Variants in PRKG2 observed in about 807,000 individuals in gnomAD.
PRKG2 encodes protein kinase cGMP-dependent 2.
Under a neutral mutation model 97.2 loss-of-function variants are expected in PRKG2, and 33 were observed. The ratio of observed to expected loss-of-function variants is 0.34; its 90% CI spans 0.26 to 0.45. The LOEUF is 0.45. Ranked by LOEUF, PRKG2 falls within the 20% of genes least tolerant of loss-of-function variation. The pLI is 1.00. For synonymous variants in PRKG2, 330 were observed against 321.8 expected (o/e 1.03, Z -0.27); for missense variants, 638 against 900.0 (o/e 0.71, Z 3.73).
At chr4:81,130,124 T>A (rs936466586) in intron 14 of PRKG2, among the ~76,000 whole-genome samples, 1 of 152,176 alleles carries the variant, frequency 6.6e-6, no homozygotes, top group African/African-American at 2.4e-5. Context: ...TTTTCCTCAC[T>A]TACATGGATT....
At chr4:81,158,799 C>A (rs1000101580) in intron 6 of PRKG2, among the ~76,000 whole-genome samples, 1 of 152,112 alleles carries the variant, frequency 6.6e-6, no homozygotes, top group East Asian at 1.9e-4. Context: ...CGTCACATAT[C>A]TACAACCATC....
intron 1 of PRKG2, among the ~76,000 whole-genome samples, chr4:81,205,953 T>C (rs181041682): frequency 1.6e-4 from 25 of 152,354 alleles, no homozygotes; most frequent in Admixed American, 1.3e-3. Context: ...TTTAGTCTAA[T>C]AGCTATGTAT....
At chr4:81,128,320 T>C (rs535201578) in intron 14 of PRKG2, among the ~76,000 whole-genome samples, 4 of 152,232 alleles carry the variant, frequency 2.6e-5, no homozygotes, top group African/African-American at 9.6e-5. Context: ...TGCTAGACTT[T>C]GGTATCAGGA....
chr4:81,181,992 A>G (rs1407937936), intron 2 of PRKG2, among the ~76,000 whole-genome samples: 1 of 151,878 alleles, frequency 6.6e-6, no homozygotes, highest in Non-Finnish European at 1.5e-5. Context: ...TATCCCACCC[A>G]AAAAAGTCTA....
chr4:81,136,850 T>C (rs1746755553), intron 13 of PRKG2, among the ~76,000 whole-genome samples: 1 of 152,224 alleles, frequency 6.6e-6, no homozygotes, highest in South Asian at 2.1e-4. Context: ...AAGTTTCTAC[T>C]TTTTACTCTT....
At chr4:81,103,058 A>G (rs570480564) in intron 17 of PRKG2, among the ~76,000 whole-genome samples, 73 of 152,354 alleles carry the variant, frequency 4.8e-4, no homozygotes, top group Non-Finnish European at 7.9e-4. Context: ...CAAAATGAAA[A>G]CATCTTAAAG....
intron 6 of PRKG2, 74 bp from the exon 7 acceptor site, chr4:81,153,795 T>C: frequency 4.8e-6 from 5 of 1,044,930 alleles, no homozygotes; most frequent in Admixed American, 1.9e-5. Context: ...AGCTCCAGTA[T>C]ACAGCTCCCA....
At chr4:81,174,043 A>G (rs1750713580) in intron 3 of PRKG2, 1 of 152,084 alleles carries the variant, frequency 6.6e-6, no homozygotes, top group Admixed American at 6.6e-5. Flanking sequence ...TATATACAAA[A>G]GAGAAAAAAA....
At chr4:81,169,350 T>C (rs1750259582) in intron 5 of PRKG2, among the ~76,000 whole-genome samples, 2 of 152,122 alleles carry the variant, frequency 1.3e-5, no homozygotes, top group African/African-American at 4.8e-5. Context: ...TTCAAATGCC[T>C]TTCAAAGCCA....
chr4:81,105,957 C>A, intron 15 of PRKG2, 22 bp from the exon 16 acceptor site: 1 of 1,608,540 alleles, frequency 6.2e-7, no homozygotes, highest in Non-Finnish European at 8.5e-7. Flanking sequence ...AAATCCAGAA[C>A]AGGACACATT....
At chr4:81,182,088 A>G (rs1164141545) in intron 2 of PRKG2, among the ~76,000 whole-genome samples, 1 of 151,902 alleles carries the variant, frequency 6.6e-6, no homozygotes, top group Non-Finnish European at 1.5e-5. Flanking sequence ...AGAAAACAGG[A>G]AAGACGAATT....
chr4:81,148,145 T>A (rs1052726601), intron 9 of PRKG2, among the ~76,000 whole-genome samples: 1 of 152,188 alleles, frequency 6.6e-6, no homozygotes, highest in Non-Finnish European at 1.5e-5. Flanking sequence ...TACTACCTTG[T>A]GATATCTGTT....
chr4:81,193,908 G>A (rs138685910), intron 2 of PRKG2, among the ~76,000 whole-genome samples: 5 of 152,164 alleles, frequency 3.3e-5, no homozygotes, highest in African/African-American at 1.2e-4. Context: ...ATTGAAGGAG[G>A]CCACTTCAAA....
chr4:81,137,594 A>T lies in PRKG2; in HGVS notation c.1545-112T>A. 4 of 795,248 alleles carry T rather than the reference A, an allele frequency of 5.0e-6. No homozygotes were observed. In the South Asian group the frequency reaches 6.5e-5, roughly 13 times the overall value. The allele number at this position is 795,248 out of a possible 1,614,324, so 49.3% of individuals were successfully genotyped here. A position where few individuals can be genotyped will look rare whatever the true frequency, so the allele number is the denominator to read the frequency against. On this transcript the variant is annotated intron_variant, in intron 12 of 18. Transcript: ENST00000264399. ...TAGGAACAATGATACTCATCTCCAT[A>T]TAAATACCCCACAACTACACTGGGC...
chr4:81,212,607 G>A (rs1754040111), intron 1 of PRKG2, among the ~76,000 whole-genome samples: 1 of 152,114 alleles, frequency 6.6e-6, no homozygotes, highest in African/African-American at 2.4e-5. Context: ...AAGCACCAGT[G>A]GAAACTTTAA....
At chr4:81,216,302 C>T (rs780157213), upstream of PRKG2, among the ~76,000 whole-genome samples, 3 of 151,378 alleles carry the variant, frequency 2.0e-5, no homozygotes, top group Non-Finnish European at 2.9e-5. Flanking sequence ...GGAGGAAAAT[C>T]GCGAAAGTAC....
At chr4:81,155,958 C>G (rs1749048975) in intron 6 of PRKG2, among the ~76,000 whole-genome samples, 1 of 151,976 alleles carries the variant, frequency 6.6e-6, no homozygotes, top group Admixed American at 6.5e-5. Flanking sequence ...ACAACCGGTA[C>G]CAGCCACTGC....
intron 4 of PRKG2, 120 bp downstream of exon 4, chr4:81,171,571 A>G: frequency 1.5e-6 from 1 of 651,804 alleles, no homozygotes; most frequent in East Asian, 2.9e-5. Context: ...CATTTCTATT[A>G]TAAGAACATA....
chr4:81,112,466 C>T lies in PRKG2; in HGVS notation c.1777-1855G>A, dbSNP rs1744086450. 2.0e-5 allele frequency among the ~76,000 whole-genome samples: 3 copies of T among 152,142 alleles called. No homozygotes were observed. In the South Asian group the frequency reaches 6.2e-4, roughly 31 times the overall value. On this transcript the variant is annotated intron_variant, in intron 14 of 18. Transcript: ENST00000264399. ...TATTGTTTTGTTGGTTTATAACAGACTTTTGACGCATTTCTTTATTAATTG... is the reference window on the plus strand; with the variant it reads ...TATTGTTTTGTTGGTTTATAACAGATTTTTGACGCATTTCTTTATTAATTG...
Sources: allele counts gnomAD v4.1 joint callset (sites outside exome capture counted in the v4.1 genomes callset), GRCh38; gene constraint gnomAD v4.1.1; transcripts MANE v1.5; gene names NCBI Gene and HGNC (gene_info 2026-07-23, HGNC 2026-07-21).